PCCA: variants seen among roughly 807,000 people sequenced by gnomAD.
PCCA encodes propionyl-CoA carboxylase subunit alpha, also known as propionyl-CoA carboxylase alpha chain, mitochondrial.
PCCA carries 74 observed loss-of-function variants against 101.3 expected under a neutral mutation model. The ratio of observed to expected loss-of-function variants is 0.73; its 90% CI spans 0.61 to 0.89. The LOEUF (loss-of-function observed/expected upper bound fraction) is 0.89, where lower values mean the gene tolerates loss of function less well. Ranked by LOEUF, PCCA falls within the 40% of genes least tolerant of loss-of-function variation. The pLI, the probability that PCCA is intolerant of heterozygous loss-of-function variation, is 0.00. For missense variants in PCCA, 891 were observed against 907.0 expected (o/e 0.98, Z 0.23); for synonymous variants, 294 against 313.6 (o/e 0.94, Z 0.66).
At chr13:100,523,212 G>T (rs1351613446) in intron 22 of PCCA, among the ~76,000 whole-genome samples, 3 of 152,150 alleles carry the variant, frequency 2.0e-5, no homozygotes. Context: ...CTTGGTAGAA[G>T]GATATTGGGG....
Position 100,209,469 on chromosome 13 carries a change from A to G in PCCA, c.600+6A>G. 6.2e-7 allele frequency: 1 copy of G among 1,610,364 alleles called. No individual in the cohort carries two copies. The highest frequency in any genetic ancestry group is 8.5e-7 in the Non-Finnish European group (1 of 1,176,646). On this transcript the variant is annotated splice_donor_region_variant and intron_variant, in intron 7 of 23. Coordinates refer to ENST00000376285, the MANE Select transcript of PCCA (RefSeq NM_000282.4). ...GCTTTGATGGAGTAGTCAAGGTGAG[A>G]AGCTACTTTAACTTTTATTGTATAT...
At chr13:100,455,200 C>A (rs747434975) in intron 21 of PCCA, among the ~76,000 whole-genome samples, 1 of 151,880 alleles carries the variant, frequency 6.6e-6, no homozygotes, top group Non-Finnish European at 1.5e-5. Context: ...AAAGAGTGAC[C>A]AGAATTGTAA....
intron 19 of PCCA, among the ~76,000 whole-genome samples, chr13:100,410,435 G>T (rs2077972445): frequency 6.6e-6 from 1 of 151,974 alleles, no homozygotes; most frequent in Non-Finnish European, 1.5e-5. Context: ...TAGAGACAGG[G>T]TTTCACTGTG....
At chr13:100,442,243 CTTG>C (rs2080430694) in intron 20 of PCCA, among the ~76,000 whole-genome samples, 1 of 152,152 alleles carries the variant, frequency 6.6e-6, no homozygotes, top group Admixed American at 6.5e-5. Flanking sequence ...ATCCGCCTTC[CTTG>C]ACCTCCCAAA....
At position 100,126,476 on chromosome 13, in the gene PCCA, TA is replaced by T. The variant is rs556597250; in HGVS notation, c.300+14416del. 2.2e-3 allele frequency among the ~76,000 whole-genome samples: 339 copies of T among 152,186 alleles called. 4 individuals are homozygous for T. The highest frequency in any genetic ancestry group is 7.9e-3 in the African/African-American group (329 of 41,516). ...ACAAATTAATATTTAACACATGAAC[TA>T]TGGACAAATCAAAGCATGAATCTTT... On this transcript the variant is annotated intron_variant, in intron 4 of 23. Transcript: ENST00000376285.
Position 100,368,487 on chromosome 13 carries a change from A to G in PCCA, c.1659A>G (p.Lys553=), listed in dbSNP as rs764395477. The change falls in exon 19 of 24, where the codon AAA becomes AAG. Residue 553 remains lysine (K), a synonymous_variant. Coordinates refer to ENST00000376285, the MANE Select transcript of PCCA (RefSeq NM_000282.4). ...TCTACTTCAGAATGCCTGTTATTAAACCAGACATAGCCAACTGGGAGCTCT... is the reference window on the plus strand; with the variant it reads ...TCTACTTCAGAATGCCTGTTATTAAGCCAGACATAGCCAACTGGGAGCTCT... ...FQENSRMPVI[K]PDIANWELSV... 4.4e-6 allele frequency: 7 copies of G among 1,597,876 alleles called. No individual in the cohort carries two copies. Among genetic ancestry groups the G allele is most frequent in the Non-Finnish European group, 6.0e-6 (7 of 1,166,038 alleles).
At chr13:100,193,275 A>G (rs2152452490) in intron 6 of PCCA, among the ~76,000 whole-genome samples, 1 of 152,264 alleles carries the variant, frequency 6.6e-6, no homozygotes, top group African/African-American at 2.4e-5. Flanking sequence ...GAAGACCCTC[A>G]TTTTACTGAC....
At chr13:100,488,668 G>A (rs1420243499) in intron 21 of PCCA, among the ~76,000 whole-genome samples, 2 of 145,008 alleles carry the variant, frequency 1.4e-5, no homozygotes, top group African/African-American at 5.1e-5. Context: ...ATTAGCTGGT[G>A]TGGTGGTGCA....
chr13:100,147,860 A>G (rs549285099), intron 4 of PCCA, among the ~76,000 whole-genome samples: 1 of 152,166 alleles, frequency 6.6e-6, no homozygotes, highest in Non-Finnish European at 1.5e-5. Context: ...GGAAATTGTG[A>G]TGGATCTATA....
At chr13:100,350,959 A>G (rs1402256462) in intron 18 of PCCA, among the ~76,000 whole-genome samples, 1 of 152,162 alleles carries the variant, frequency 6.6e-6, no homozygotes, top group African/African-American at 2.4e-5. Flanking sequence ...TCAGCTTACA[A>G]TCCCTTTTTT....
intron 21 of PCCA, among the ~76,000 whole-genome samples, chr13:100,453,142 C>A (rs975837152): frequency 6.6e-6 from 1 of 152,090 alleles, no homozygotes; most frequent in Admixed American, 6.6e-5. Context: ...CGTGATCACA[C>A]CACTGCACTC....
At chr13:100,191,624 C>A (rs2057749101) in intron 6 of PCCA, among the ~76,000 whole-genome samples, 1 of 152,196 alleles carries the variant, frequency 6.6e-6, no homozygotes, top group South Asian at 2.1e-4. Flanking sequence ...TAATTCCTTA[C>A]TTTCTTTTAT....
chr13:100,105,174 A>G (rs937293456), intron 2 of PCCA, among the ~76,000 whole-genome samples: 14 of 152,088 alleles, frequency 9.2e-5, no homozygotes, highest in African/African-American at 3.4e-4. Flanking sequence ...TATATTTTAT[A>G]CCTCTGGCAT....
intron 19 of PCCA, among the ~76,000 whole-genome samples, chr13:100,396,676 G>A (rs550126880): frequency 1.6e-4 from 25 of 152,122 alleles, no homozygotes; most frequent in Non-Finnish European, 2.6e-4. Context: ...AATAAAATGT[G>A]CCAACATATA....
chr13:100,527,674 G>C lies in PCCA; in HGVS notation c.2041-1G>C. 6.2e-7 allele frequency: 1 copy of C among 1,611,836 alleles called. No homozygotes were observed. The highest frequency in any genetic ancestry group is 8.5e-7 in the Non-Finnish European group (1 of 1,177,926). On this transcript the variant is annotated splice_acceptor_variant, in intron 22 of 23. Transcript: ENST00000376285. LOFTEE classifies it high-confidence loss of function. ...AACTTCTGCCCATTTTTGTTTTCCAGGTAGCAGAAGGTCAAGAAATTTGTG... is the reference window on the plus strand; with the variant it reads ...AACTTCTGCCCATTTTTGTTTTCCACGTAGCAGAAGGTCAAGAAATTTGTG...
intron 19 of PCCA, among the ~76,000 whole-genome samples, chr13:100,414,984 A>G (rs2078270095): frequency 1.3e-5 from 2 of 152,186 alleles, no homozygotes; most frequent in Non-Finnish European, 2.9e-5. Flanking sequence ...AAATACTCTA[A>G]GGAGTATTGC....
Position 100,089,245 on chromosome 13 carries a change from C to T in PCCA, c.105+20C>T. The T allele has an allele frequency of 1.3e-6, 2 of 1,481,838 alleles. No homozygotes were observed. Among genetic ancestry groups the T allele is most frequent in the Non-Finnish European group, 1.8e-6 (2 of 1,114,162 alleles). 91.8% of individuals were successfully genotyped at this position (1,481,838 alleles called of 1,614,324 possible). ...CTGAAGGTGAGGAGCAACGGGGCCT[C>T]GCGGGTCCGGGCTTCACTGGGCTTC... On this transcript the variant is annotated intron_variant, in intron 1 of 23. Transcript: ENST00000376285.
chr13:100,472,156 A>G (rs1055646348), intron 21 of PCCA, among the ~76,000 whole-genome samples: 1 of 152,124 alleles, frequency 6.6e-6, no homozygotes. Flanking sequence ...CGTCCTTCCA[A>G]TGCAGACGTG....
intron 6 of PCCA, chr13:100,161,268 C>T (rs1279596119): frequency 6.6e-6 from 1 of 152,114 alleles, no homozygotes; most frequent in Non-Finnish European, 1.5e-5. Flanking sequence ...TTTCAGACCT[C>T]CCCCGGCCCC....
Sources: allele counts gnomAD v4.1 joint callset (sites outside exome capture counted in the v4.1 genomes callset), GRCh38; gene constraint gnomAD v4.1.1; transcripts MANE v1.5; gene names NCBI Gene and HGNC (gene_info 2026-07-23, HGNC 2026-07-21).